ADGRF5: variants seen among roughly 807,000 people sequenced by gnomAD.
ADGRF5 encodes the protein G-protein coupled receptor 116.
Under a neutral mutation model 132.3 loss-of-function variants are expected in ADGRF5, and 75 were observed. The observed-to-expected ratio is 0.57, with a 90% CI of 0.47 to 0.69. The LOEUF (loss-of-function observed/expected upper bound fraction) is 0.69, where lower values mean the gene tolerates loss of function less well. Among genes scored for constraint, ADGRF5 ranks in the 30% least tolerant of loss-of-function variants. The pLI, the probability that ADGRF5 is intolerant of heterozygous loss-of-function variation, is 0.00. For missense variants in ADGRF5, 1,516 were observed against 1,630.6 expected (o/e 0.93, Z 1.21); for synonymous variants, 629 against 597.6 (o/e 1.05, Z -0.77).
chr6:46,880,683 A>C (rs1772351872), intron 8 of ADGRF5, among the ~76,000 whole-genome samples: 1 of 152,162 alleles, frequency 6.6e-6, no homozygotes, highest in Non-Finnish European at 1.5e-5. Flanking sequence ...TGTCTGGAAA[A>C]CAGGAGCAGC....
At chr6:46,886,218 T>C (rs759491978) in intron 4 of ADGRF5, among the ~76,000 whole-genome samples, 1 of 152,204 alleles carries the variant, frequency 6.6e-6, no homozygotes, top group African/African-American at 2.4e-5. Context: ...TAGTTGTTTC[T>C]GAAATAGGAG....
intron 19 of ADGRF5, among the ~76,000 whole-genome samples, 172 bp downstream of exon 19, chr6:46,856,546 A>G (rs1054841339): frequency 9.9e-5 from 15 of 152,236 alleles, no homozygotes; most frequent in Admixed American, 6.5e-4. Context: ...AGCAAAAACA[A>G]TGGAATGATC....
At chr6:46,937,269 T>C (rs1043861425) in intron 1 of ADGRF5, among the ~76,000 whole-genome samples, 1 of 150,886 alleles carries the variant, frequency 6.6e-6, no homozygotes, top group Non-Finnish European at 1.5e-5. Context: ...TGTGTGTTGA[T>C]GGGGTGGCAT....
intron 10 of ADGRF5, among the ~76,000 whole-genome samples, chr6:46,877,225 CTCTTTCTTTCTTTCTTTCTT>C (rs71536391): frequency 1.4e-4 from 18 of 131,772 alleles, no homozygotes; most frequent in East Asian, 7.2e-4. Flanking sequence ...TTTATTTCCT[CTCTTTCTTTCTTTCTTTCTT>C]TCTTTCTTTC....
chr6:46,917,742 C>T (rs1303679649), intron 1 of ADGRF5, among the ~76,000 whole-genome samples: 1 of 152,102 alleles, frequency 6.6e-6, no homozygotes, highest in African/African-American at 2.4e-5. Context: ...TGTTCAACTC[C>T]CACTTATGAG....
chr6:46,865,350 G>C (rs1305744416), intron 13 of ADGRF5, among the ~76,000 whole-genome samples, 153 bp from the exon 14 acceptor site: 1 of 152,186 alleles, frequency 6.6e-6, no homozygotes, highest in Non-Finnish European at 1.5e-5. Flanking sequence ...GGGTTTTGAA[G>C]TATGTAAGCC....
At chr6:46,910,007 C>CAATAAAATAAAATAAAATAAAATAA (rs3030416) in intron 1 of ADGRF5, among the ~76,000 whole-genome samples, 4 of 148,604 alleles carry the variant, frequency 2.7e-5, no homozygotes, top group African/African-American at 9.9e-5. Context: ...CCCTATCTCT[C>CAATAAAATAAAATAAAATAAAATAA]AATAAAATAA....
intron 14 of ADGRF5, among the ~76,000 whole-genome samples, chr6:46,864,637 G>A (rs1350703532): frequency 1.3e-5 from 2 of 150,738 alleles, no homozygotes; most frequent in African/African-American, 2.4e-5. Context: ...CGATTCTTCC[G>A]CCTCAGCCTC....
chr6:46,879,928 T>C lies in ADGRF5; in HGVS notation c.926A>G (p.Gln309Arg). ...SSNVSWRYEE[Q>R]QLEIQNSSRF... Reference sequence around the variant, plus strand: ...GCTGCTGTTCTGGATTTCCAACTGCTGTTCTTCATAGCGCCAAGACACATT... The same window carrying C: ...GCTGCTGTTCTGGATTTCCAACTGCCGTTCTTCATAGCGCCAAGACACATT... The change falls in exon 9 of 21, where the codon CAG becomes CGG. Residue 309 changes from glutamine (Q) to arginine (R), a missense_variant. By Grantham distance (43) the Gln-to-Arg change is conservative. Transcript: ENST00000283296. The C allele has an allele frequency of 6.2e-7, 1 of 1,614,024 alleles. No homozygotes were observed. Among genetic ancestry groups the C allele is most frequent in the Non-Finnish European group, 8.5e-7 (1 of 1,179,866 alleles).
chr6:46,928,496 G>A (rs1036755382), intron 1 of ADGRF5, among the ~76,000 whole-genome samples: 4 of 152,040 alleles, frequency 2.6e-5, no homozygotes, highest in East Asian at 1.9e-4. Context: ...TTCACTGAGC[G>A]CTCCATAGAC....
In ADGRF5 at chr6:46,940,067, C is replaced by G. The variant is rs566798374; in HGVS notation, c.-25+14667G>C. 1.7e-4 allele frequency among the ~76,000 whole-genome samples: 26 copies of G among 152,084 alleles called. No individual in the cohort carries two copies. In the South Asian group the frequency reaches 5.4e-3, roughly 32 times the overall value. ...GTAGTTCTGTATCTGAAACCAAACA[C>G]CGATTGAAAAATATGGTTTTCCTTG... On this transcript the variant is annotated intron_variant, in intron 1 of 20. Transcript: ENST00000265417.
At chr6:46,941,790 A>C (rs1405521658) in intron 1 of ADGRF5, among the ~76,000 whole-genome samples, 1 of 152,084 alleles carries the variant, frequency 6.6e-6, no homozygotes, top group Non-Finnish European at 1.5e-5. Context: ...TCTGTGGGCC[A>C]TCTCTTCTCT....
rs141734163 is a variant in ADGRF5, at chr6:46,893,745, C to T, written c.158-5240G>A. Reference sequence around the variant, plus strand: ...ATTGTTTATCTAGATTTTTCTGGCTCGCTGATGCCCTATGTGGAAGGTAGC... The same window carrying T: ...ATTGTTTATCTAGATTTTTCTGGCTTGCTGATGCCCTATGTGGAAGGTAGC... On this transcript the variant is annotated intron_variant, in intron 3 of 20. Coordinates refer to ENST00000283296, the MANE Select transcript of ADGRF5 (RefSeq NM_001098518.2). 3.8e-3 allele frequency among the ~76,000 whole-genome samples: 583 copies of T among 152,234 alleles called. 6 individuals are homozygous for T. Among genetic ancestry groups the T allele is most frequent in the South Asian group, 0.024 (116 of 4,816 alleles).
In ADGRF5 at chr6:46,906,669, G is replaced by A. The variant is rs777865554; in HGVS notation, c.94C>T (p.His32Tyr). Residue 32 changes from histidine to tyrosine, a missense_variant, in exon 2 of 21, where the codon CAT becomes TAT. Coordinates refer to ENST00000283296, the MANE Select transcript of ADGRF5 (RefSeq NM_001098518.2). ...ALNWNYESTI[H>Y]PLSLHEHEPA... ...ATATGGATATAACTCACCAAAGGAT[G>A]AATAGTAGACTCGTAATTCCAGTTC... 82 of 1,512,524 alleles carry A rather than the reference G, an allele frequency of 5.4e-5. No individual in the cohort carries two copies. The highest frequency in any genetic ancestry group is 7.4e-5 in the Non-Finnish European group (80 of 1,087,920). 93.7% of individuals were successfully genotyped at this position (1,512,524 alleles called of 1,614,324 possible). A position where few individuals can be genotyped will look rare whatever the true frequency, so the allele number is the denominator to read the frequency against.
chr6:46,945,444 T>TA (rs1326727637), intron 1 of ADGRF5, among the ~76,000 whole-genome samples: 1 of 152,168 alleles, frequency 6.6e-6, no homozygotes, highest in Non-Finnish European at 1.5e-5. Flanking sequence ...CTACATGAAA[T>TA]ACTGATTAAA....
At chr6:46,913,200 GT>G (rs1378113843) in intron 1 of ADGRF5, among the ~76,000 whole-genome samples, 4 of 152,046 alleles carry the variant, frequency 2.6e-5, no homozygotes, top group African/African-American at 9.7e-5. Context: ...GGAAAGTCAA[GT>G]TTTAAGAAGA....
intron 15 of ADGRF5, among the ~76,000 whole-genome samples, chr6:46,861,680 C>T (rs1769761087): frequency 6.6e-6 from 1 of 152,198 alleles, no homozygotes; most frequent in African/African-American, 2.4e-5. Flanking sequence ...ACATTCTTCT[C>T]ATTCCTATAA....
In ADGRF5 at chr6:46,889,600, G is replaced by A. The variant is rs898970196; in HGVS notation, c.158-1095C>T. ...TATATATATATATATATATAGTCTG[G>A]CCTGCCTGAGGTAGGTGTGTGTTGA... On this transcript the variant is annotated intron_variant, in intron 3 of 20. Transcript: ENST00000283296. Among the ~76,000 whole-genome samples the A allele has an allele frequency of 3.3e-4, 45 of 134,580 alleles. 1 individual carries two copies. Among genetic ancestry groups the A allele is most frequent in the African/African-American group, 1.1e-3 (38 of 35,688 alleles). 88.3% of individuals were successfully genotyped at this position (134,580 alleles called of 152,430 possible). A position where few individuals can be genotyped will look rare whatever the true frequency, so the allele number is the denominator to read the frequency against.
chr6:46,938,326 C>T (rs1290740107), intron 1 of ADGRF5, among the ~76,000 whole-genome samples: 2 of 152,156 alleles, frequency 1.3e-5, no homozygotes, highest in Non-Finnish European at 2.9e-5. Context: ...GTGGTATCTT[C>T]CTCCCACACT....
Sources: gnomAD v4.1 joint callset for allele counts (sites outside exome capture counted in the v4.1 genomes callset) on GRCh38, gnomAD v4.1.1 for gene constraint, MANE v1.5 for transcripts, NCBI Gene and HGNC (gene_info 2026-07-23, HGNC 2026-07-21) for gene names.